The following TESMIN variants were observed in gnomAD, a reference collection of about 807,000 sequenced individuals.
The protein encoded by TESMIN is CXC domain containing 2.
In TESMIN, 34 loss-of-function variants were observed where a neutral mutation model predicts 47.4. That is an observed-to-expected ratio of 0.72 (90% confidence interval 0.55 to 0.96). The LOEUF is 0.96. Ranked by LOEUF, TESMIN falls within the 40% of genes least tolerant of loss-of-function variation. The pLI, the probability that TESMIN is intolerant of heterozygous loss-of-function variation, is 0.00. For missense variants in TESMIN, 610 were observed against 637.2 expected (o/e 0.96, Z 0.46); for synonymous variants, 278 against 258.9 (o/e 1.07, Z -0.71).
At chr11:68,711,277 G>A in intron 8 of TESMIN, among the ~76,000 whole-genome samples, 1 of 147,572 alleles carries the variant, frequency 6.8e-6, no homozygotes, top group East Asian at 2.0e-4. Flanking sequence ...GAATGTGTAA[G>A]AGTGTGTGTG....
chr11:68,744,861 T>C (rs7948522), intron 4 of TESMIN, 130 bp downstream of exon 4: 119 of 673,640 alleles, frequency 1.8e-4, no homozygotes, highest in Non-Finnish European at 2.7e-4. Context: ...CTTACTAATA[T>C]GGACTACGAG....
rs1441703923 is a variant in TESMIN at position 68,738,771 on chromosome 11, T to C, written c.846A>G (p.Pro282=). ...GGAAAGCAGACCCGTTGACTACCGA[T>C]GGTAAGGCTCCCTCAAGCTGTTCAA... is the stretch of plus-strand genomic sequence containing the variant. The part of the protein sequence containing the change: ...LITQQLEGAL[P]SVVNGSAFPS... The change falls in exon 6 of 10, where the codon CCA becomes CCG. Residue 282 remains proline, a synonymous_variant. Transcript: ENST00000255087. 3 of 1,614,000 alleles carry C rather than the reference T, an allele frequency of 1.9e-6. No individual in the cohort carries two copies. The highest frequency in any genetic ancestry group is 3.3e-5 in the Admixed American group (2 of 60,032).
chr11:68,721,429 C>T lies in TESMIN; in HGVS notation c.918-5490G>A, dbSNP rs1487499008. On this transcript the variant is annotated intron_variant, in intron 6 of 9. Coordinates refer to ENST00000255087, the MANE Select transcript of TESMIN (RefSeq NM_004923.3). ...CCCCGACTGCCATGCTTGCTCAACA[C>T]GTCCCACCCCCTCAGCCCATTACTG... Among the ~76,000 whole-genome samples, 7 of 152,144 alleles carry T rather than the reference C, an allele frequency of 4.6e-5. No individual in the cohort carries two copies. In the East Asian group the frequency reaches 1.2e-3, roughly 25 times the overall value.
intron 2 of TESMIN, among the ~76,000 whole-genome samples, 187 bp downstream of exon 2, chr11:68,750,003 T>C (rs955361537): frequency 6.6e-6 from 1 of 152,086 alleles, no homozygotes; most frequent in Admixed American, 6.5e-5. Flanking sequence ...GCTGGGCCGA[T>C]GCATGTTGGA....
chr11:68,723,266 T>C (rs1373205800), intron 6 of TESMIN, among the ~76,000 whole-genome samples: 1 of 151,790 alleles, frequency 6.6e-6, no homozygotes, highest in Non-Finnish European at 1.5e-5. Context: ...TACATATACA[T>C]ACACATATAT....
intron 6 of TESMIN, among the ~76,000 whole-genome samples, chr11:68,727,216 G>A (rs951261421): frequency 1.3e-5 from 2 of 152,162 alleles, no homozygotes; most frequent in East Asian, 1.9e-4. Flanking sequence ...CAAGGTGGGC[G>A]GATCTCTTGA....
At position 68,750,211 on chromosome 11, in the gene TESMIN, G is replaced by T. The variant is rs747044938; in HGVS notation, c.450C>A (p.His150Gln). 1 of 1,497,178 alleles carries T rather than the reference G, an allele frequency of 6.7e-7. No homozygotes were observed. The highest frequency in any genetic ancestry group is 2.3e-5 in the Admixed American group (1 of 43,644). 92.7% of individuals were successfully genotyped at this position (1,497,178 alleles called of 1,614,324 possible). ...LGAWVLEGAS[H>Q]PGVRMIPVEI... is the part of the protein sequence containing the mutation. The stretch of plus-strand genomic sequence containing the variant: ...TTACTGGGATCATGCGGACGCCCGG[G>T]TGGGAGGCTCCTTCCAGGACCCAGG... Residue 150 changes from histidine to glutamine, a missense_variant, in exon 2 of 10, where the codon CAC becomes CAA. Transcript: ENST00000255087.
At chr11:68,721,477 G>A (rs928853142) in intron 6 of TESMIN, among the ~76,000 whole-genome samples, 5 of 152,056 alleles carry the variant, frequency 3.3e-5, no homozygotes, top group Admixed American at 6.6e-5. Flanking sequence ...ATTTTCCATG[G>A]TTCCACTCCG....
chr11:68,750,209 G>A lies in TESMIN; in HGVS notation c.452C>T (p.Pro151Leu). Residue 151 changes from proline to leucine, a missense_variant, in exon 2 of 10, where the codon CCG (proline) becomes CTG (leucine). Coordinates refer to ENST00000255087, the MANE Select transcript of TESMIN (RefSeq NM_004923.3). ...GAWVLEGASH[P>L]GVRMIPVEIK... ...TCTTACTGGGATCATGCGGACGCCCGGGTGGGAGGCTCCTTCCAGGACCCA... is the reference window on the plus strand; with the variant it reads ...TCTTACTGGGATCATGCGGACGCCCAGGTGGGAGGCTCCTTCCAGGACCCA... 2 of 1,494,716 alleles carry A rather than the reference G, an allele frequency of 1.3e-6. No individual in the cohort carries two copies. The highest frequency in any genetic ancestry group is 2.7e-5 in the South Asian group (2 of 74,460). The allele number at this position is 1,494,716 out of a possible 1,614,324, so 92.6% of individuals were successfully genotyped here.
intron 6 of TESMIN, among the ~76,000 whole-genome samples, chr11:68,718,987 C>A (rs1161990378): frequency 6.6e-6 from 1 of 152,210 alleles, no homozygotes; most frequent in African/African-American, 2.4e-5. Context: ...GAAGGCACTG[C>A]ACCAAAATGA....
At chr11:68,717,751 A>G (rs11228330) in intron 6 of TESMIN, among the ~76,000 whole-genome samples, 104,383 of 151,510 alleles carry the variant, frequency 0.69, 36,724 homozygotes, top group East Asian at 0.86. Flanking sequence ...TCTCTGCAGG[A>G]AGGCATGAGT....
chr11:68,738,911 T>C (rs537406879), intron 5 of TESMIN, 123 bp from the exon 6 acceptor site: 1,165 of 791,612 alleles, frequency 1.5e-3, no homozygotes, highest in Non-Finnish European at 2.0e-3. Context: ...CATCCCTTTA[T>C]AACCATGTCT....
intron 6 of TESMIN, among the ~76,000 whole-genome samples, chr11:68,724,315 G>C (rs2153991307): frequency 6.6e-6 from 1 of 152,198 alleles, no homozygotes. Flanking sequence ...AAATTCACCA[G>C]TCCTTTATTA....
At chr11:68,736,504 T>C in intron 6 of TESMIN, 5 of 985,454 alleles carry the variant, frequency 5.1e-6, no homozygotes, top group Non-Finnish European at 4.8e-6. Context: ...CTGACTGCTT[T>C]CTTACCACCA....
intron 6 of TESMIN, among the ~76,000 whole-genome samples, chr11:68,731,786 C>A (rs570174756): frequency 6.6e-6 from 1 of 152,336 alleles, no homozygotes; most frequent in South Asian, 2.1e-4. Flanking sequence ...CACCAACAGA[C>A]CTCACTGCTT....
At chr11:68,723,087 G>A (rs1211463842) in intron 6 of TESMIN, among the ~76,000 whole-genome samples, 1 of 151,930 alleles carries the variant, frequency 6.6e-6, no homozygotes, top group Non-Finnish European at 1.5e-5. Context: ...AACAAATAGA[G>A]AATATACATG....
chr11:68,708,302 T>C lies in TESMIN; in HGVS notation c.*6A>G. 1 of 1,588,714 alleles carries C rather than the reference T, an allele frequency of 6.3e-7. No individual in the cohort carries two copies. Among genetic ancestry groups the C allele is most frequent in the Non-Finnish European group, 8.6e-7 (1 of 1,167,974 alleles). On this transcript the variant is annotated 3_prime_UTR_variant, in exon 10 of 10. Coordinates refer to ENST00000255087, the MANE Select transcript of TESMIN (RefSeq NM_004923.3). ...ACAAAATCAACATGCATTCACACTT[T>C]ATACTCTACTCCATTTTCAATCCCT...
chr11:68,716,989 G>C (rs1946147482), intron 6 of TESMIN, among the ~76,000 whole-genome samples: 1 of 152,206 alleles, frequency 6.6e-6, no homozygotes, highest in African/African-American at 2.4e-5. Flanking sequence ...AAGCTGTAGA[G>C]TGGGAATCGT....
chr11:68,750,325 C>T lies in TESMIN; in HGVS notation c.336G>A (p.Leu112=). The change falls in exon 2 of 10, where the codon CTG becomes CTA. Residue 112 remains leucine, a synonymous_variant. Coordinates refer to ENST00000255087, the MANE Select transcript of TESMIN (RefSeq NM_004923.3). ...ELSALEDVAL[L]QAPQPPACNV... ...TGCAGGCGGGCGGCTGCGGGGCCTG[C>T]AGGAGCGCGACGTCCTCCAGCGCGC... is the stretch of plus-strand genomic sequence containing the variant. 1.3e-6 allele frequency: 2 copies of T among 1,510,030 alleles called. No homozygotes were observed. The highest frequency in any genetic ancestry group is 2.4e-5 in the East Asian group (1 of 41,074). 93.5% of individuals were successfully genotyped at this position (1,510,030 alleles called of 1,614,324 possible). A position where few individuals can be genotyped will look rare whatever the true frequency, so the allele number is the denominator to read the frequency against.
Sources: gnomAD v4.1 joint callset for allele counts (sites outside exome capture counted in the v4.1 genomes callset) on GRCh38, gnomAD v4.1.1 for gene constraint, MANE v1.5 for transcripts, NCBI Gene and HGNC (gene_info 2026-07-23, HGNC 2026-07-21) for gene names.